IRAK1BP1: variants seen among roughly 807,000 people sequenced by gnomAD.
IRAK1BP1 encodes the protein interleukin-1 receptor-associated kinase 1-binding protein 1.
IRAK1BP1 carries 24 observed loss-of-function variants against 28.0 expected under a neutral mutation model. That is an observed-to-expected ratio of 0.86 (90% CI 0.62 to 1.20). The LOEUF (loss-of-function observed/expected upper bound fraction) is 1.20. IRAK1BP1 is among the 50% of genes most tolerant of loss of function. The probability of loss-of-function intolerance (pLI) is 0.00; values close to 1 mark genes in which losing one functional copy is unlikely to be tolerated. For missense variants in IRAK1BP1, 336 were observed against 316.7 expected, an observed-to-expected ratio of 1.06 and a Z score of -0.46; for synonymous variants, 131 against 116.3, an observed-to-expected ratio of 1.13 and a Z score of -0.81.
At chr6:78,885,154 CTA>C (rs1388531752) in intron 1 of IRAK1BP1, among the ~76,000 whole-genome samples, 2 of 151,924 alleles carry the variant, frequency 1.3e-5, no homozygotes, top group African/African-American at 2.4e-5. Context: ...AAGAATAAAA[CTA>C]TTTTCAAATT....
At chr6:78,893,777 C>A (rs1771772583) in intron 2 of IRAK1BP1, among the ~76,000 whole-genome samples, 1 of 151,998 alleles carries the variant, frequency 6.6e-6, no homozygotes, top group Non-Finnish European at 1.5e-5. Flanking sequence ...GGTGGTCACG[C>A]CTGTAGTCCC....
chr6:78,974,391 A>G, the IRAK1BP1 span, among the ~76,000 whole-genome samples: 33 of 152,028 alleles, frequency 2.2e-4, no homozygotes, highest in Admixed American at 1.9e-3. Context: ...GTAGAGGGAA[A>G]TTTATAGCAC....
At chr6:78,929,904 A>G (rs1772996533) in intron 4 of IRAK1BP1, among the ~76,000 whole-genome samples, 1 of 146,222 alleles carries the variant, frequency 6.8e-6, no homozygotes, top group African/African-American at 2.5e-5. Flanking sequence ...ACACATGTTC[A>G]AATAAATTGA....
the IRAK1BP1 span, among the ~76,000 whole-genome samples, chr6:78,977,629 T>G: frequency 4.8e-3 from 731 of 152,226 alleles, 7 homozygotes; most frequent in African/African-American, 0.017. Context: ...CTAACCATTT[T>G]GAAAGGAAAT....
At chr6:78,881,445 A>G (rs2127643398) in intron 1 of IRAK1BP1, among the ~76,000 whole-genome samples, 1 of 152,294 alleles carries the variant, frequency 6.6e-6, no homozygotes, top group East Asian at 1.9e-4. Context: ...CTGGAGTGGT[A>G]CATACATGAC....
chr6:78,946,688 G>A (rs1168054551), downstream of IRAK1BP1: 1 of 1,524,010 alleles, frequency 6.6e-7, no homozygotes, highest in Non-Finnish European at 8.7e-7. Context: ...ATCAGCTAGT[G>A]GTATTTAAAA....
chr6:78,893,723 C>T (rs982864569), intron 2 of IRAK1BP1, among the ~76,000 whole-genome samples: 7 of 151,884 alleles, frequency 4.6e-5, no homozygotes, highest in Non-Finnish European at 1.0e-4. Context: ...GCCAACATGG[C>T]GAAACCCTGT....
intron 2 of IRAK1BP1, among the ~76,000 whole-genome samples, chr6:78,893,349 T>TATATA (rs1771752026): frequency 8.0e-6 from 1 of 125,750 alleles, no homozygotes; most frequent in Non-Finnish European, 1.7e-5. Context: ...TATATATATA[T>TATATA]CAACGAAGAG....
At chr6:78,871,310 T>G in intron 1 of IRAK1BP1, 1 of 985,184 alleles carries the variant, frequency 1.0e-6, no homozygotes, top group Non-Finnish European at 1.2e-6. Context: ...TAAGTTCTAG[T>G]GCAAGAGAGG....
chr6:78,885,389 A>G lies in IRAK1BP1; in HGVS notation c.327A>G (p.Ile109Met). ...LQQQGVQAENITVTKDFRRVE... is the reference protein window; with the variant it reads ...LQQQGVQAENMTVTKDFRRVE... ...TTTTTCTGTTTCAGGCAGAAAATAT[A>G]ACTGTGACAAAGGATTTTAGGAGAG... Residue 109 changes from isoleucine to methionine, a missense_variant, in exon 2 of 4, where the codon ATA becomes ATG. Ile to Met is a conservative substitution (Grantham distance 10, BLOSUM62 1). Transcript: ENST00000369940. 6.3e-7 allele frequency: 1 copy of G among 1,579,424 alleles called. No individual in the cohort carries two copies. The highest frequency in any genetic ancestry group is 8.7e-7 in the Non-Finnish European group (1 of 1,154,064).
At chr6:78,978,555 G>A in the IRAK1BP1 span, 1 of 1,526,894 alleles carries the variant, frequency 6.5e-7, no homozygotes, top group Non-Finnish European at 8.9e-7. Flanking sequence ...TTAAAACTAT[G>A]TGAGGAAAAA....
the IRAK1BP1 span, chr6:78,955,139 T>C: frequency 2.2e-6 from 2 of 926,306 alleles, no homozygotes; most frequent in African/African-American, 3.4e-5. Flanking sequence ...ATACTTAATG[T>C]CTTTTAAAAT....
In IRAK1BP1 at chr6:78,941,139, A is replaced by C. The variant is rs368703514; in HGVS notation, c.*68-4269A>C. 2.3e-5 allele frequency: 37 copies of C among 1,613,870 alleles called. No individual in the cohort carries two copies. Among genetic ancestry groups the C allele is most frequent in the Non-Finnish European group, 2.9e-5 (34 of 1,179,950 alleles). On this transcript the variant is annotated intron_variant and NMD_transcript_variant, in intron 4 of 4. Coordinates refer to the IRAK1BP1 transcript ENST00000606868. Reference sequence around the variant, plus strand: ...ATGGGATGCACATTATTTTGCTCTAAATCTTCTGGCTTTGCATACTGTAGC... The same window carrying C: ...ATGGGATGCACATTATTTTGCTCTACATCTTCTGGCTTTGCATACTGTAGC...
chr6:78,973,852 A>G, the IRAK1BP1 span, among the ~76,000 whole-genome samples: 1 of 151,772 alleles, frequency 6.6e-6, no homozygotes, highest in Non-Finnish European at 1.5e-5. Context: ...TGCACCCAAT[A>G]CAGGAGCACC....
intron 4 of IRAK1BP1, among the ~76,000 whole-genome samples, chr6:78,941,982 C>T (rs118027602): frequency 0.027 from 4,048 of 152,142 alleles, 71 homozygotes; most frequent in Non-Finnish European, 0.04. Flanking sequence ...AATGCTATAA[C>T]TTAGATAAAG....
chr6:78,873,409 C>T (rs888907430), intron 1 of IRAK1BP1, among the ~76,000 whole-genome samples: 1 of 150,272 alleles, frequency 6.7e-6, no homozygotes, highest in Admixed American at 6.6e-5. Flanking sequence ...TAATTTTTTT[C>T]TGTATTTTTT....
downstream of IRAK1BP1, among the ~76,000 whole-genome samples, chr6:78,950,104 T>C (rs1221766562): frequency 1.3e-5 from 2 of 152,166 alleles, no homozygotes; most frequent in Admixed American, 6.5e-5. Context: ...GGGTGTGAAA[T>C]TTTGTCAAAT....
downstream of IRAK1BP1, among the ~76,000 whole-genome samples, chr6:78,949,333 T>G (rs1774007566): frequency 6.6e-6 from 1 of 152,060 alleles, no homozygotes; most frequent in Non-Finnish European, 1.5e-5. Flanking sequence ...TAGTGAGGGG[T>G]TCCACTGAGA....
the IRAK1BP1 span, chr6:78,956,881 C>A: frequency 3.9e-5 from 6 of 152,164 alleles, no homozygotes; most frequent in East Asian, 9.6e-4. Context: ...TACTTTCTTA[C>A]AGATTTATCT....
Sources: allele counts gnomAD v4.1 joint callset (sites outside exome capture counted in the v4.1 genomes callset), GRCh38; gene constraint gnomAD v4.1.1; transcripts MANE v1.5; gene names NCBI Gene and HGNC (gene_info 2026-07-23, HGNC 2026-07-21).